EXD2: variants seen among roughly 807,000 people sequenced by gnomAD.
EXD2 encodes the protein exonuclease 3'-5' domain-containing protein 2.
EXD2 carries 40 observed loss-of-function variants against 62.5 expected under a neutral mutation model. The ratio of observed to expected loss-of-function variants is 0.64; its 90% CI spans 0.50 to 0.83. The LOEUF (loss-of-function observed/expected upper bound fraction) is 0.83, where lower values mean the gene tolerates loss of function less well. Among genes scored for constraint, EXD2 ranks in the 40% least tolerant of loss-of-function variants. The pLI is 0.00. For missense variants in EXD2, 671 were observed against 761.8 expected, an observed-to-expected ratio of 0.88 and a Z score of 1.40; for synonymous variants, 239 against 291.9, an observed-to-expected ratio of 0.82 and a Z score of 1.85.
intron 1 of EXD2, among the ~76,000 whole-genome samples, chr14:69,198,270 C>T (rs1346632221): frequency 6.6e-6 from 1 of 152,118 alleles, no homozygotes; most frequent in Non-Finnish European, 1.5e-5. Context: ...TGGTTGATGA[C>T]TTTGTTGTTT....
chr14:69,226,253 A>C (rs994759365), intron 3 of EXD2, among the ~76,000 whole-genome samples: 1 of 152,220 alleles, frequency 6.6e-6, no homozygotes, highest in African/African-American at 2.4e-5. Flanking sequence ...GAATTATTAG[A>C]GAACTGGAAC....
At chr14:69,215,114 C>T (rs180691127) in intron 3 of EXD2, among the ~76,000 whole-genome samples, 8 of 152,042 alleles carry the variant, frequency 5.3e-5, no homozygotes, top group Admixed American at 5.2e-4. Flanking sequence ...ATGGTGAAAC[C>T]CCGTCTCTAC....
At chr14:69,204,861 A>T (rs1400543907) in intron 2 of EXD2, among the ~76,000 whole-genome samples, 1 of 152,252 alleles carries the variant, frequency 6.6e-6, no homozygotes, top group African/African-American at 2.4e-5. Flanking sequence ...AATTTCATTC[A>T]TTCAGTAAAT....
intron 3 of EXD2, among the ~76,000 whole-genome samples, chr14:69,211,403 G>A (rs1044790305): frequency 1.3e-5 from 2 of 150,520 alleles, no homozygotes; most frequent in Admixed American, 1.3e-4. Context: ...TTCTCTTGCT[G>A]TATCCAGGAA....
At chr14:69,209,824 T>TAAAAAAA in intron 3 of EXD2, 21 bp downstream of exon 3, 2 of 1,056,284 alleles carry the variant, frequency 1.9e-6, no homozygotes, top group Non-Finnish European at 2.5e-6. Context: ...AAGCAAAAGT[T>TAAAAAAA]AAAAAAAAAA....
intron 3 of EXD2, among the ~76,000 whole-genome samples, chr14:69,221,103 A>G (rs1421162334): frequency 6.6e-6 from 1 of 152,056 alleles, no homozygotes; most frequent in Non-Finnish European, 1.5e-5. Context: ...TCCTGAGCTC[A>G]AGCAGTCCTT....
chr14:69,200,273 G>A (rs1485411723), intron 1 of EXD2, among the ~76,000 whole-genome samples: 1 of 152,132 alleles, frequency 6.6e-6, no homozygotes, highest in Non-Finnish European at 1.5e-5. Flanking sequence ...GCTTATCAGG[G>A]GTTAGAAGAG....
At chr14:69,237,986 G>C in intron 9 of EXD2, 55 bp downstream of exon 9, 2 of 1,463,104 alleles carry the variant, frequency 1.4e-6, no homozygotes, top group South Asian at 2.7e-5. Context: ...TCATTACTTA[G>C]TGAGAATGCT....
At chr14:69,224,824 C>A (rs995098318) in intron 3 of EXD2, among the ~76,000 whole-genome samples, 2 of 152,056 alleles carry the variant, frequency 1.3e-5, no homozygotes, top group Admixed American at 6.6e-5. Flanking sequence ...ACTAAAAATA[C>A]AAAAATTAGC....
intron 3 of EXD2, among the ~76,000 whole-genome samples, chr14:69,218,383 T>C (rs1292226490): frequency 5.3e-5 from 8 of 152,226 alleles, no homozygotes; most frequent in African/African-American, 1.9e-4. Context: ...GATGGAGTTT[T>C]TTTCTTGTAA....
intron 3 of EXD2, among the ~76,000 whole-genome samples, chr14:69,210,515 T>TA (rs1385821036): frequency 6.6e-6 from 1 of 152,180 alleles, no homozygotes; most frequent in African/African-American, 2.4e-5. Flanking sequence ...ATATAAAAGT[T>TA]ATGCTTATGC....
At chr14:69,216,326 A>G (rs546670588) in intron 3 of EXD2, among the ~76,000 whole-genome samples, 5 of 152,290 alleles carry the variant, frequency 3.3e-5, no homozygotes, top group East Asian at 1.9e-4. Context: ...CAATTATTAT[A>G]TACTTTCTTA....
chr14:69,222,536 A>G (rs2043220976), intron 3 of EXD2, among the ~76,000 whole-genome samples: 1 of 152,096 alleles, frequency 6.6e-6, no homozygotes, highest in Non-Finnish European at 1.5e-5. Context: ...CTCCTATCTT[A>G]TTATCCTTTC....
intron 1 of EXD2, among the ~76,000 whole-genome samples, chr14:69,200,549 C>T (rs1302570369): frequency 1.4e-5 from 2 of 146,718 alleles, no homozygotes; most frequent in East Asian, 4.0e-4. Flanking sequence ...AAAAATAATA[C>T]AAAAAAAAAA....
chr14:69,200,185 CA>C (rs2042346845), intron 1 of EXD2, among the ~76,000 whole-genome samples: 1 of 152,090 alleles, frequency 6.6e-6, no homozygotes, highest in South Asian at 2.1e-4. Context: ...ATATTGAACC[CA>C]GTATATTCCA....
chr14:69,229,935 T>C (rs1194557757), intron 4 of EXD2, among the ~76,000 whole-genome samples: 1 of 152,192 alleles, frequency 6.6e-6, no homozygotes, highest in East Asian at 1.9e-4. Context: ...TATATAAAGA[T>C]CTTATAAGTG....
chr14:69,195,758 A>G (rs1021247717), intron 1 of EXD2, among the ~76,000 whole-genome samples: 3 of 152,194 alleles, frequency 2.0e-5, no homozygotes, highest in Admixed American at 6.5e-5. Context: ...TGTAAAAGGA[A>G]TCATACAATG....
chr14:69,193,301 C>T (rs1027108569), intron 1 of EXD2, among the ~76,000 whole-genome samples: 1 of 152,158 alleles, frequency 6.6e-6, no homozygotes, highest in African/African-American at 2.4e-5. Context: ...TCGAGTGATC[C>T]GCCTGCCTTG....
intron 1 of EXD2, among the ~76,000 whole-genome samples, chr14:69,195,194 G>A (rs1016422482): frequency 1.4e-5 from 2 of 147,838 alleles, no homozygotes; most frequent in African/African-American, 2.5e-5. Context: ...TCCAGCCTGA[G>A]TAACAGAGCG....
Sources: gnomAD v4.1 joint callset for allele counts (sites outside exome capture counted in the v4.1 genomes callset) on GRCh38, gnomAD v4.1.1 for gene constraint, MANE v1.5 for transcripts, NCBI Gene and HGNC (gene_info 2026-07-23, HGNC 2026-07-21) for gene names.